PDE4D: variants seen among roughly 807,000 people sequenced by gnomAD.
The protein encoded by PDE4D is phosphodiesterase 4D.
PDE4D carries 24 observed loss-of-function variants against 87.4 expected under a neutral mutation model. That is an observed-to-expected ratio of 0.27 (90% confidence interval 0.20 to 0.39). The LOEUF is 0.39. Ranked by LOEUF, PDE4D falls within the 10% of genes least tolerant of loss-of-function variation. PDE4D has a pLI of 1.00. For synonymous variants in PDE4D, 384 were observed against 383.2 expected (o/e 1.00, Z -0.02); for missense variants, 714 against 1,041.0 (o/e 0.69, Z 4.32).
At chr5:60,163,518 A>G (rs1364906025) in intron 2 of PDE4D, among the ~76,000 whole-genome samples, 2 of 152,178 alleles carry the variant, frequency 1.3e-5, no homozygotes, top group Non-Finnish European at 2.9e-5. Context: ...GATCCTACAG[A>G]CAGCAAAGGT....
At chr5:59,258,022 A>G (rs1393387421) in intron 1 of PDE4D, among the ~76,000 whole-genome samples, 1 of 151,956 alleles carries the variant, frequency 6.6e-6, no homozygotes, top group Non-Finnish European at 1.5e-5. Flanking sequence ...TTCACTGGAA[A>G]TCTATACATG....
chr5:60,003,645 G>C (rs924193078), intron 2 of PDE4D, among the ~76,000 whole-genome samples: 2 of 150,804 alleles, frequency 1.3e-5, no homozygotes, highest in Non-Finnish European at 3.0e-5. Context: ...GGAGGCAGAG[G>C]TTGCAGTGAG....
At chr5:59,748,246 T>C (rs2150710056) in intron 1 of PDE4D, among the ~76,000 whole-genome samples, 1 of 152,306 alleles carries the variant, frequency 6.6e-6, no homozygotes, top group South Asian at 2.1e-4. Context: ...TTGCACTCTC[T>C]TGAATCACTG....
At chr5:59,850,616 A>G (rs890864194) in intron 1 of PDE4D, among the ~76,000 whole-genome samples, 4 of 152,040 alleles carry the variant, frequency 2.6e-5, no homozygotes, top group African/African-American at 9.7e-5. Context: ...AAATACAAAA[A>G]TAGTTGGGGG....
At position 59,609,235 on chromosome 5, in the gene PDE4D, C is replaced by T. The variant is rs943872972; in HGVS notation, c.455+283933G>A. Among the ~76,000 whole-genome samples, 3 of 152,196 alleles carry T rather than the reference C, an allele frequency of 2.0e-5. No homozygotes were observed. The South Asian group carries it at 6.2e-4, about 32-fold the overall frequency. Reference sequence around the variant, plus strand: ...TGTACTCATCATTGGTGCTATTCGTCACCATTCTCAGTTCTCCCTCTTTAA... The same window carrying T: ...TGTACTCATCATTGGTGCTATTCGTTACCATTCTCAGTTCTCCCTCTTTAA... On this transcript the variant is annotated intron_variant, in intron 1 of 14. Coordinates refer to ENST00000340635, the MANE Select transcript of PDE4D (RefSeq NM_001104631.2).
chr5:59,067,995 C>T (rs1244570913), intron 5 of PDE4D, among the ~76,000 whole-genome samples: 4 of 152,038 alleles, frequency 2.6e-5, no homozygotes, highest in African/African-American at 9.7e-5. Flanking sequence ...TTATGAAAAA[C>T]CATCTAAGAC....
At chr5:59,674,108 A>G (rs541056936) in intron 1 of PDE4D, among the ~76,000 whole-genome samples, 1 of 152,362 alleles carries the variant, frequency 6.6e-6, no homozygotes, top group African/African-American at 2.4e-5. Context: ...AAAAAGTAAG[A>G]TAAAATAAAT....
At chr5:59,853,193 G>A (rs570025849) in intron 1 of PDE4D, among the ~76,000 whole-genome samples, 3 of 152,204 alleles carry the variant, frequency 2.0e-5, no homozygotes, top group Non-Finnish European at 4.4e-5. Flanking sequence ...CTGTAGAACA[G>A]TGGCTGTATT....
chr5:59,639,812 AGTGTGT>A (rs70975323), intron 1 of PDE4D, among the ~76,000 whole-genome samples: 20,355 of 143,502 alleles, frequency 0.14, 1,507 homozygotes, highest in Non-Finnish European at 0.18. Flanking sequence ...TAGTGTCTAT[AGTGTGT>A]GTGTGTGTGT....
At chr5:60,037,896 C>T (rs1161769806) in intron 2 of PDE4D, among the ~76,000 whole-genome samples, 1 of 152,056 alleles carries the variant, frequency 6.6e-6, no homozygotes, top group Non-Finnish European at 1.5e-5. Context: ...TATTATCAAA[C>T]TGATAAAAAA....
chr5:59,176,900 A>G (rs761826969), intron 5 of PDE4D, among the ~76,000 whole-genome samples: 12 of 152,158 alleles, frequency 7.9e-5, no homozygotes, highest in Non-Finnish European at 1.5e-4. Flanking sequence ...TGGGAGCAGG[A>G]GGAGACCCCA....
intron 1 of PDE4D, among the ~76,000 whole-genome samples, chr5:59,261,949 T>C (rs528241240): frequency 1.9e-4 from 29 of 151,930 alleles, no homozygotes; most frequent in Non-Finnish European, 3.4e-4. Flanking sequence ...AAAAATCAAA[T>C]ATTCCAGATT....
chr5:60,318,809 G>C (rs1043028419), intron 1 of PDE4D, among the ~76,000 whole-genome samples: 1 of 151,984 alleles, frequency 6.6e-6, no homozygotes, highest in African/African-American at 2.4e-5. Flanking sequence ...GTTGAATATT[G>C]GCCCCCACTC....
intron 1 of PDE4D, among the ~76,000 whole-genome samples, chr5:60,212,911 TCTTTGGTTGCCATAATG>T (rs904936224): frequency 6.6e-6 from 1 of 152,216 alleles, no homozygotes; most frequent in African/African-American, 2.4e-5. Context: ...CTTTTGTTCT[TCTTTGGTTGCCATAATG>T]CTACATTTTC....
At chr5:59,125,720 T>A (rs1366229194) in intron 5 of PDE4D, among the ~76,000 whole-genome samples, 2 of 151,818 alleles carry the variant, frequency 1.3e-5, no homozygotes, top group Admixed American at 6.6e-5. Context: ...ACAGGGAGGG[T>A]TGGGCAGGAT....
intron 1 of PDE4D, among the ~76,000 whole-genome samples, chr5:59,426,232 T>C (rs1377978128): frequency 6.6e-6 from 1 of 152,206 alleles, no homozygotes; most frequent in Non-Finnish European, 1.5e-5. Flanking sequence ...ATTTCTGCTG[T>C]TTAAGCCACC....
At chr5:60,276,513 C>G (rs1263949093) in intron 1 of PDE4D, among the ~76,000 whole-genome samples, 3 of 150,006 alleles carry the variant, frequency 2.0e-5, no homozygotes, top group East Asian at 3.9e-4. Flanking sequence ...CCAATCACAG[C>G]AGCCATACTT....
chr5:59,081,836 T>C (rs529486458), intron 5 of PDE4D, among the ~76,000 whole-genome samples: 40 of 152,296 alleles, frequency 2.6e-4, no homozygotes, highest in South Asian at 1.0e-3. Flanking sequence ...AACCAAAATC[T>C]CATCTTGAAT....
At chr5:59,132,074 C>A (rs893345395) in intron 5 of PDE4D, among the ~76,000 whole-genome samples, 2 of 151,958 alleles carry the variant, frequency 1.3e-5, no homozygotes, top group African/African-American at 4.8e-5. Context: ...TATCAAAGTG[C>A]AATTTTGTAT....
Sources: allele counts gnomAD v4.1 joint callset (sites outside exome capture counted in the v4.1 genomes callset), GRCh38; gene constraint gnomAD v4.1.1; transcripts MANE v1.5; gene names NCBI Gene and HGNC (gene_info 2026-07-23, HGNC 2026-07-21).